Variants in TLL1 observed in about 807,000 individuals in gnomAD.
TLL1 encodes tolloid-like protein 1.
A neutral mutation model predicts 128.2 loss-of-function variants in TLL1; 49 were observed. The observed-to-expected ratio is 0.38, with a 90% CI of 0.30 to 0.48. The LOEUF (loss-of-function observed/expected upper bound fraction) is 0.48. Among genes scored for constraint, TLL1 ranks in the 20% least tolerant of loss-of-function variants. TLL1 has a pLI of 0.96. For missense variants in TLL1, 1,123 were observed against 1,242.0 expected (o/e 0.90, Z 1.44); for synonymous variants, 454 against 418.8 (o/e 1.08, Z -1.03).
chr4:165,885,253 G>T (rs910213464), intron 1 of TLL1, among the ~76,000 whole-genome samples: 1 of 152,056 alleles, frequency 6.6e-6, no homozygotes, highest in African/African-American at 2.4e-5. Context: ...CAGCCTCTGA[G>T]GCTTGGAAAT....
At chr4:165,961,853 T>C (rs1208034293) in intron 1 of TLL1, among the ~76,000 whole-genome samples, 1 of 151,902 alleles carries the variant, frequency 6.6e-6, no homozygotes, top group Non-Finnish European at 1.5e-5. Flanking sequence ...GTAAACACAA[T>C]TTAAAAATAT....
chr4:166,056,813 G>GT (rs1340742239), intron 13 of TLL1, among the ~76,000 whole-genome samples: 1 of 152,104 alleles, frequency 6.6e-6, no homozygotes, highest in Admixed American at 6.6e-5. Flanking sequence ...CCTTCTGTGG[G>GT]TTTTTTGACA....
At chr4:165,983,405 G>A (rs1487325724) in intron 1 of TLL1, among the ~76,000 whole-genome samples, 1 of 151,824 alleles carries the variant, frequency 6.6e-6, no homozygotes, top group Admixed American at 6.6e-5. Context: ...GAAAAGGATT[G>A]AAAAAGGCAA....
chr4:165,909,336 C>T (rs756188256), intron 1 of TLL1, among the ~76,000 whole-genome samples: 1 of 152,174 alleles, frequency 6.6e-6, no homozygotes, highest in Non-Finnish European at 1.5e-5. Flanking sequence ...GCCAATTAAA[C>T]ATTCAAACGG....
chr4:165,924,787 G>A (rs1232764678), intron 1 of TLL1, among the ~76,000 whole-genome samples: 1 of 152,168 alleles, frequency 6.6e-6, no homozygotes, highest in Non-Finnish European at 1.5e-5. Context: ...AAGCTTCAAA[G>A]GACAGGCTGA....
intron 1 of TLL1, among the ~76,000 whole-genome samples, chr4:165,947,951 C>G (rs1734335796): frequency 6.6e-6 from 1 of 152,104 alleles, no homozygotes; most frequent in African/African-American, 2.4e-5. Flanking sequence ...TCAAATTCTA[C>G]TGGTAAATAA....
At chr4:165,934,664 G>A (rs567390431) in intron 1 of TLL1, among the ~76,000 whole-genome samples, 3 of 152,282 alleles carry the variant, frequency 2.0e-5, no homozygotes, top group African/African-American at 4.8e-5. Flanking sequence ...TCTGTACCAC[G>A]TTCTTTCTTT....
intron 14 of TLL1, 120 bp from the exon 15 acceptor site, chr4:166,059,908 A>T: frequency 8.0e-7 from 1 of 1,250,346 alleles, no homozygotes; most frequent in Non-Finnish European, 1.2e-6. Flanking sequence ...TCTGGATTTT[A>T]AAATCCAGAA....
At chr4:165,916,371 G>A (rs1732775105) in intron 1 of TLL1, among the ~76,000 whole-genome samples, 1 of 152,116 alleles carries the variant, frequency 6.6e-6, no homozygotes, top group Non-Finnish European at 1.5e-5. Context: ...AAAACTAATT[G>A]AGTGCACACT....
chr4:166,030,753 A>G (rs2111078358), intron 9 of TLL1: 3 of 1,133,984 alleles, frequency 2.6e-6, no homozygotes, highest in East Asian at 8.8e-5. Flanking sequence ...GTTTTTATTC[A>G]GCATTCCTGC....
intron 1 of TLL1, among the ~76,000 whole-genome samples, chr4:165,909,535 G>A (rs1561022384): frequency 6.6e-6 from 1 of 152,202 alleles, no homozygotes; most frequent in African/African-American, 2.4e-5. Flanking sequence ...AGTTCTTGGA[G>A]ATGAGGAGGA....
At chr4:166,058,833 G>A (rs1172269700) in intron 14 of TLL1, among the ~76,000 whole-genome samples, 1 of 152,088 alleles carries the variant, frequency 6.6e-6, no homozygotes, top group African/African-American at 2.4e-5. Flanking sequence ...CTGTAATAGA[G>A]GATATAATAA....
At chr4:166,098,196 G>C (rs1467561706) in intron 19 of TLL1, among the ~76,000 whole-genome samples, 1 of 151,912 alleles carries the variant, frequency 6.6e-6, no homozygotes, top group Non-Finnish European at 1.5e-5. Flanking sequence ...TTAGCCACAT[G>C]TGGTAGTGAG....
Position 166,031,480 on chromosome 4 carries a change from G to A in TLL1, c.1158+6049G>A, listed in dbSNP as rs568584340. Among the ~76,000 whole-genome samples the A allele has an allele frequency of 2.0e-5, 3 of 146,520 alleles. No homozygotes were observed. The South Asian group carries it at 6.4e-4, about 31-fold the overall frequency. ...ACTTCTCAGTTCAAGCAATTCTTGT[G>A]CCTCAGCCTCTTGAGTAGCTGGAAT... On this transcript the variant is annotated intron_variant, in intron 9 of 20. Transcript: ENST00000061240.
At chr4:165,921,564 G>A (rs917353944) in intron 1 of TLL1, among the ~76,000 whole-genome samples, 1 of 151,980 alleles carries the variant, frequency 6.6e-6, no homozygotes, top group Non-Finnish European at 1.5e-5. Context: ...TTTATACCCC[G>A]GGGACCCTTC....
chr4:165,977,475 A>G (rs938949005), intron 1 of TLL1, among the ~76,000 whole-genome samples: 5 of 152,254 alleles, frequency 3.3e-5, no homozygotes, highest in Admixed American at 3.3e-4. Context: ...TTTATAAATT[A>G]CCCAGTCATG....
At chr4:166,052,965 G>GTGTGTGTGTGTGTGTGTGTATATATATA in intron 12 of TLL1, among the ~76,000 whole-genome samples, 2 of 99,648 alleles carry the variant, frequency 2.0e-5, no homozygotes, top group African/African-American at 7.6e-5. Context: ...GAGGTTATGT[G>GTGTGTGTGTGTGTGTGTGTATATATATA]TATATATATA....
intron 8 of TLL1, among the ~76,000 whole-genome samples, chr4:166,021,922 T>C (rs937900696): frequency 3.3e-5 from 5 of 152,196 alleles, no homozygotes; most frequent in African/African-American, 9.6e-5. Flanking sequence ...GGAGTTGATA[T>C]TGGTGCTTCG....
chr4:165,978,098 T>A (rs1735972201), intron 1 of TLL1, among the ~76,000 whole-genome samples: 1 of 152,154 alleles, frequency 6.6e-6, no homozygotes. Flanking sequence ...ACAGAACACT[T>A]TCATATTTAG....
Sources: gnomAD v4.1 joint callset for allele counts (sites outside exome capture counted in the v4.1 genomes callset) on GRCh38, gnomAD v4.1.1 for gene constraint, MANE v1.5 for transcripts, NCBI Gene and HGNC (gene_info 2026-07-23, HGNC 2026-07-21) for gene names.